The following CARMIL1 variants were observed in gnomAD, a reference collection of about 807,000 sequenced individuals.
The protein encoded by CARMIL1 is F-actin-uncapping protein LRRC16A.
CARMIL1 carries 90 observed loss-of-function variants against 177.1 expected under a neutral mutation model. That is an observed-to-expected ratio of 0.51 (90% CI 0.43 to 0.61). CARMIL1 has a LOEUF of 0.61. CARMIL1 is among the 20% of genes least tolerant of loss of function. The probability of loss-of-function intolerance (pLI) is 0.00; values close to 1 mark genes in which losing one functional copy is unlikely to be tolerated. For missense variants in CARMIL1, 1,380 were observed against 1,667.0 expected (o/e 0.83, Z 3.00); for synonymous variants, 577 against 606.2 (o/e 0.95, Z 0.71).
In CARMIL1 at chr6:25,326,984, G is replaced by C. The variant is rs536306351; in HGVS notation, c.138+42075G>C. The stretch of plus-strand genomic sequence containing the variant: ...AACTTTTGAACACATTGCGTTTGGA[G>C]TGTTCATGAAATGTCCAAGTGAAGA... On this transcript the variant is annotated intron_variant, in intron 2 of 36. Transcript: ENST00000329474. The surrounding 1 kb of genome is among the most constrained non-coding windows in gnomAD (Gnocchi z 4.2). Among the ~76,000 whole-genome samples, 3 of 152,252 alleles carry C rather than the reference G, an allele frequency of 2.0e-5. No individual in the cohort carries two copies. Among genetic ancestry groups the C allele is most frequent in the South Asian group, 4.1e-4 (2 of 4,820 alleles).
chr6:25,451,929 A>C, intron 8 of CARMIL1: 1 of 602,054 alleles, frequency 1.7e-6, no homozygotes, highest in Non-Finnish European at 3.0e-6. Context: ...CATTTGGACA[A>C]CTGAAGTGTC....
intron 36 of CARMIL1, 26 bp from the exon 37 acceptor site, chr6:25,619,421 C>A: frequency 6.2e-7 from 1 of 1,604,934 alleles, no homozygotes; most frequent in South Asian, 1.1e-5. Context: ...TGTCAGTAAA[C>A]TGTGCGACTT....
At chr6:25,505,310 C>T (rs1804803680) in intron 17 of CARMIL1, among the ~76,000 whole-genome samples, 1 of 152,154 alleles carries the variant, frequency 6.6e-6, no homozygotes, top group Non-Finnish European at 1.5e-5. Context: ...TACAGATGTT[C>T]AGAGAAATGT....
chr6:25,539,825 G>A (rs1808711976), intron 25 of CARMIL1, 122 bp from the exon 26 acceptor site: 1 of 715,398 alleles, frequency 1.4e-6, no homozygotes, highest in African/African-American at 1.8e-5. Flanking sequence ...TGTGCAAAGA[G>A]CCTTTGACTG....
chr6:25,349,665 C>T (rs546575115), intron 2 of CARMIL1, among the ~76,000 whole-genome samples: 2 of 152,138 alleles, frequency 1.3e-5, no homozygotes, highest in East Asian at 3.9e-4. Context: ...TGAGGCGGCC[C>T]TTCACCATGG....
chr6:25,425,559 A>G (rs888845705), intron 3 of CARMIL1, among the ~76,000 whole-genome samples: 1 of 152,130 alleles, frequency 6.6e-6, no homozygotes, highest in Admixed American at 6.6e-5. Flanking sequence ...AAATTGATCC[A>G]ACTTGGTCCC....
intron 2 of CARMIL1, among the ~76,000 whole-genome samples, chr6:25,381,489 T>G (rs1275681758): frequency 1.3e-5 from 2 of 152,172 alleles, no homozygotes; most frequent in Non-Finnish European, 2.9e-5. Context: ...CAGTTGTAAG[T>G]CCAGGTCTCC....
chr6:25,368,237 A>G (rs879408080), intron 2 of CARMIL1, among the ~76,000 whole-genome samples: 3 of 152,224 alleles, frequency 2.0e-5, no homozygotes, highest in Non-Finnish European at 2.9e-5. Context: ...TAAATAACTA[A>G]TAGAGGTCAG....
intron 29 of CARMIL1, among the ~76,000 whole-genome samples, chr6:25,579,259 GA>G (rs5875052): frequency 4.1e-4 from 59 of 143,910 alleles, no homozygotes; most frequent in African/African-American, 1.0e-3. Flanking sequence ...CAAGAGTCAG[GA>G]AAAAAAAAAA....
intron 2 of CARMIL1, among the ~76,000 whole-genome samples, chr6:25,387,074 A>T (rs1393135139): frequency 7.2e-6 from 1 of 139,666 alleles, no homozygotes; most frequent in Non-Finnish European, 1.5e-5. Flanking sequence ...AGATCGCACC[A>T]TTGCACTCCA....
intron 26 of CARMIL1, among the ~76,000 whole-genome samples, chr6:25,544,606 TACACACACACAC>T (rs3034120): frequency 1.7e-3 from 248 of 142,512 alleles, no homozygotes; most frequent in African/African-American, 5.9e-3. Flanking sequence ...GTTACTAGAC[TACACACACACAC>T]ACACACACAC....
intron 8 of CARMIL1, among the ~76,000 whole-genome samples, chr6:25,462,765 C>T (rs1033761168): frequency 3.3e-5 from 5 of 152,168 alleles, no homozygotes; most frequent in African/African-American, 9.6e-5. Flanking sequence ...AACATTTTCC[C>T]TATTCAGCAA....
At position 25,620,187 on chromosome 6, in the gene CARMIL1, G is replaced by T. The variant is rs1759630221; in HGVS notation, c.*604G>T. Reference sequence around the variant, plus strand: ...TGGGGAACTTCTTCCTTCCTGATGTGGAATTGTACATTTAAAGCTTGGTCG... The same window carrying T: ...TGGGGAACTTCTTCCTTCCTGATGTTGAATTGTACATTTAAAGCTTGGTCG... On this transcript the variant is annotated 3_prime_UTR_variant, in exon 37 of 37. Transcript: ENST00000329474. The T allele has an allele frequency of 6.6e-6, 1 of 152,552 alleles. No individual in the cohort carries two copies. The highest frequency in any genetic ancestry group is 1.5e-5 in the Non-Finnish European group (1 of 68,052). The allele number at this position is 152,552 out of a possible 1,614,324, so 9.4% of individuals were successfully genotyped here.
At chr6:25,617,498 T>C (rs933305035) in intron 36 of CARMIL1, among the ~76,000 whole-genome samples, 3 of 152,224 alleles carry the variant, frequency 2.0e-5, no homozygotes, top group Non-Finnish European at 4.4e-5. Flanking sequence ...CAGTGTATTA[T>C]ATTTGTTTCT....
intron 26 of CARMIL1, among the ~76,000 whole-genome samples, chr6:25,548,226 G>C (rs1458554836): frequency 6.6e-6 from 1 of 152,170 alleles, no homozygotes; most frequent in Non-Finnish European, 1.5e-5. Context: ...GAAATATCTA[G>C]GAATAAATTT....
intron 17 of CARMIL1, chr6:25,507,510 A>G (rs1257461109): frequency 2.6e-5 from 4 of 152,602 alleles, no homozygotes; most frequent in African/African-American, 4.8e-5. Context: ...TTATGAATCA[A>G]TTAGAATATA....
intron 13 of CARMIL1, 68 bp downstream of exon 13, chr6:25,488,653 C>G (rs940388921): frequency 3.4e-5 from 43 of 1,276,546 alleles, no homozygotes; most frequent in Non-Finnish European, 4.9e-5. Flanking sequence ...TAATTCTAAA[C>G]ATGTCTTTGT....
chr6:25,306,374 T>C (rs74793281), intron 2 of CARMIL1, among the ~76,000 whole-genome samples: 3,596 of 152,198 alleles, frequency 0.024, 60 homozygotes, highest in Non-Finnish European at 0.038. Flanking sequence ...TAGATTCTCA[T>C]AGTTACGAGA....
chr6:25,564,492 CT>C (rs991204753), intron 29 of CARMIL1, among the ~76,000 whole-genome samples: 1 of 152,196 alleles, frequency 6.6e-6, no homozygotes, highest in African/African-American at 2.4e-5. Flanking sequence ...TTTATACTGT[CT>C]ATACCACTAT....
Sources: gnomAD v4.1 joint callset for allele counts (sites outside exome capture counted in the v4.1 genomes callset) on GRCh38, gnomAD v4.1.1 for gene constraint, Gnocchi (gnomAD v3.1) non-coding constraint, MANE v1.5 for transcripts, NCBI Gene and HGNC (gene_info 2026-07-23, HGNC 2026-07-21) for gene names.